Variants in HLCS observed in about 807,000 individuals in gnomAD.
The protein encoded by HLCS is biotin--protein ligase.
Under a neutral mutation model 75.0 loss-of-function variants are expected in HLCS, and 53 were observed. That is an observed-to-expected ratio of 0.71 (90% confidence interval 0.57 to 0.89). The LOEUF is 0.89. Ranked by LOEUF, HLCS falls within the 40% of genes least tolerant of loss-of-function variation. The pLI is 0.00. For synonymous variants in HLCS, 431 were observed against 428.6 expected (o/e 1.01, Z -0.07); for missense variants, 966 against 1,074.0 (o/e 0.90, Z 1.41).
Position 36,802,268 on chromosome 21 carries a change from G to A in HLCS, c.1893-34983C>T, listed in dbSNP as rs901791960. ...CAGCATAAGGGGAAAGGGACAGTGGGAGAATCTCATGGGCCAGGCCTGGAA... is the reference window on the plus strand; with the variant it reads ...CAGCATAAGGGGAAAGGGACAGTGGAAGAATCTCATGGGCCAGGCCTGGAA... On this transcript the variant is annotated intron_variant, in intron 6 of 10. Transcript: ENST00000674895. Among the ~76,000 whole-genome samples the A allele has an allele frequency of 2.6e-5, 4 of 152,156 alleles. No homozygotes were observed. The South Asian group carries it at 6.2e-4, about 24-fold the overall frequency.
chr21:36,928,389 C>T (rs760193092), intron 5 of HLCS, among the ~76,000 whole-genome samples: 12 of 151,952 alleles, frequency 7.9e-5, no homozygotes, highest in Non-Finnish European at 1.6e-4. Context: ...GGCAACATGG[C>T]GAAACCCTGT....
chr21:36,919,679 C>T (rs2845811), intron 5 of HLCS, among the ~76,000 whole-genome samples: 145,299 of 152,344 alleles, frequency 0.95, 69,371 homozygotes, highest in East Asian at 1. Context: ...CTTTGTAAAT[C>T]TGAGGCTGCT....
At chr21:36,920,075 T>C (rs1328020168) in intron 5 of HLCS, among the ~76,000 whole-genome samples, 1 of 152,136 alleles carries the variant, frequency 6.6e-6, no homozygotes, top group Non-Finnish European at 1.5e-5. Flanking sequence ...CTCATACCTG[T>C]GAGGCCAAGT....
intron 3 of HLCS, 128 bp from the exon 4 acceptor site, chr21:36,937,520 C>A: frequency 1.2e-6 from 1 of 840,692 alleles, no homozygotes. Flanking sequence ...GCCTCTGGCA[C>A]GGCTCCCACC....
In HLCS at chr21:36,896,966, CTGA is replaced by C. The variant is rs2065037127; in HGVS notation, c.1783_1785del (p.Ser595del). 6.2e-7 allele frequency: 1 copy of C among 1,614,170 alleles called. No homozygotes were observed. The highest frequency in any genetic ancestry group is 8.5e-7 in the Non-Finnish European group (1 of 1,180,034). On this transcript the variant is annotated inframe_deletion, in exon 6 of 11. Coordinates refer to ENST00000674895, the MANE Select transcript of HLCS (RefSeq NM_001352514.2). Reference sequence around the variant, plus strand: ...CGATAGATCTCTAAGTTGAAATGTTCTGATGAGAAGGCCTCCATGTTGGTCACC... The same window carrying C: ...CGATAGATCTCTAAGTTGAAATGTTCTGAGAAGGCCTCCATGTTGGTCACC...
intron 6 of HLCS, among the ~76,000 whole-genome samples, chr21:36,850,692 CT>C (rs2062967433): frequency 6.6e-6 from 1 of 152,278 alleles, no homozygotes; most frequent in South Asian, 2.1e-4. Context: ...CCGTAGCCAC[CT>C]CTTAAGATTC....
intron 6 of HLCS, among the ~76,000 whole-genome samples, chr21:36,850,560 C>T (rs117622820): frequency 5.5e-4 from 84 of 152,302 alleles, no homozygotes; most frequent in South Asian, 1.5e-3. Context: ...AGCAGGGTGA[C>T]GGGGCATGGA....
Position 36,753,147 on chromosome 21 carries a change from T to C in HLCS, c.*1099A>G, listed in dbSNP as rs891573186. The C allele has an allele frequency of 1.3e-5, 2 of 152,724 alleles. No homozygotes were observed. Among genetic ancestry groups the C allele is most frequent in the Admixed American group, 1.3e-4 (2 of 15,284 alleles). 9.5% of individuals were successfully genotyped at this position (152,724 alleles called of 1,614,324 possible). ...TTGAATGTCTTCTTTTAAAGCTATG[T>C]GCGCACACACGCACGCACACACATA... is the stretch of plus-strand genomic sequence containing the variant. On this transcript the variant is annotated 3_prime_UTR_variant, in exon 11 of 11. Coordinates refer to ENST00000674895, the MANE Select transcript of HLCS (RefSeq NM_001352514.2). This position sits in a 1 kb window ranked among gnomAD's most constrained non-coding sequence, Gnocchi z 4.3.
At chr21:36,976,643 G>C (rs145772868) in intron 1 of HLCS, among the ~76,000 whole-genome samples, 264 of 152,294 alleles carry the variant, frequency 1.7e-3, no homozygotes, top group African/African-American at 6.1e-3. Context: ...TAAATCCATG[G>C]TTGTGTAAGA....
chr21:36,982,601 T>C (rs1457805154), intron 1 of HLCS, among the ~76,000 whole-genome samples: 1 of 152,228 alleles, frequency 6.6e-6, no homozygotes, highest in African/African-American at 2.4e-5. Flanking sequence ...ATATTGTGGT[T>C]CTTAGTCAAG....
intron 6 of HLCS, among the ~76,000 whole-genome samples, chr21:36,777,978 A>T (rs913579170): frequency 2.6e-5 from 4 of 151,814 alleles, no homozygotes; most frequent in African/African-American, 9.7e-5. Context: ...TTTATTTTTT[A>T]TTTTTTTGGA....
chr21:36,773,488 C>T (rs1306699611), intron 6 of HLCS, among the ~76,000 whole-genome samples: 1 of 152,244 alleles, frequency 6.6e-6, no homozygotes, highest in Admixed American at 6.5e-5. Flanking sequence ...TCTGAGGCAT[C>T]GTGCCCTGCA....
chr21:36,953,145 C>G (rs142145157), intron 2 of HLCS, among the ~76,000 whole-genome samples: 1 of 152,254 alleles, frequency 6.6e-6, no homozygotes, highest in East Asian at 1.9e-4. Context: ...TGAGGTTTCA[C>G]TCTAATACAA....
At chr21:36,981,038 TG>T (rs2069109352) in intron 1 of HLCS, 1 of 152,360 alleles carries the variant, frequency 6.6e-6, no homozygotes, top group African/African-American at 2.4e-5. Flanking sequence ...CAGGGAGGTA[TG>T]GCCTGCCCCC....
At chr21:36,964,501 G>A (rs1029493221) in intron 1 of HLCS, among the ~76,000 whole-genome samples, 1 of 152,158 alleles carries the variant, frequency 6.6e-6, no homozygotes, top group Admixed American at 6.5e-5. Flanking sequence ...AAAAAGATAC[G>A]AACTAGAATA....
chr21:36,893,063 C>T (rs1220803818), intron 6 of HLCS, among the ~76,000 whole-genome samples: 1 of 152,056 alleles, frequency 6.6e-6, no homozygotes, highest in African/African-American at 2.4e-5. Context: ...GCATGAGCCA[C>T]AAAAAAAGTA....
At chr21:36,881,054 T>TC (rs2064191615) in intron 6 of HLCS, among the ~76,000 whole-genome samples, 1 of 152,016 alleles carries the variant, frequency 6.6e-6, no homozygotes, top group South Asian at 2.1e-4. Flanking sequence ...CACTGCAACC[T>TC]CCACCTCCCA....
chr21:36,868,294 A>AG (rs1206139865), intron 6 of HLCS, among the ~76,000 whole-genome samples: 2,112 of 147,864 alleles, frequency 0.014, 62 homozygotes, highest in African/African-American at 0.05. Context: ...AAAGAAAGAA[A>AG]AAGAAAAACA....
At chr21:36,813,045 C>T (rs1175549307) in intron 6 of HLCS, among the ~76,000 whole-genome samples, 7 of 152,106 alleles carry the variant, frequency 4.6e-5, no homozygotes, top group Non-Finnish European at 7.4e-5. Flanking sequence ...AGCAACAGAG[C>T]GAGATTCTGT....
Sources: gnomAD v4.1 joint callset for allele counts (sites outside exome capture counted in the v4.1 genomes callset) on GRCh38, gnomAD v4.1.1 for gene constraint, Gnocchi (gnomAD v3.1) non-coding constraint, MANE v1.5 for transcripts, NCBI Gene and HGNC (gene_info 2026-07-23, HGNC 2026-07-21) for gene names.